Variants in MAST2 observed in about 807,000 individuals in gnomAD.
The protein encoded by MAST2 is microtubule associated serine/threonine kinase 2.
A neutral mutation model predicts 147.4 loss-of-function variants in MAST2; 70 were observed. The ratio of observed to expected loss-of-function variants is 0.47; its 90% CI spans 0.39 to 0.58. The LOEUF (loss-of-function observed/expected upper bound fraction) is 0.58. Ranked by LOEUF, MAST2 falls within the 20% of genes least tolerant of loss-of-function variation. The pLI, the probability that MAST2 is intolerant of heterozygous loss-of-function variation, is 0.00. For missense variants in MAST2, 2,080 were observed against 2,302.3 expected, an observed-to-expected ratio of 0.90 and a Z score of 1.98; for synonymous variants, 869 against 896.8, an observed-to-expected ratio of 0.97 and a Z score of 0.55.
intron 4 of MAST2, among the ~76,000 whole-genome samples, chr1:45,932,301 T>G (rs1655442895): frequency 6.6e-6 from 1 of 152,238 alleles, no homozygotes; most frequent in African/African-American, 2.4e-5. Context: ...TAATTCTTTC[T>G]ATACCCATCA....
chr1:46,010,641 A>G, intron 9 of MAST2, 89 bp from the exon 10 acceptor site: 2 of 1,114,762 alleles, frequency 1.8e-6, no homozygotes, highest in Non-Finnish European at 2.6e-6. Context: ...GAGGGAGCCC[A>G]TTATTTTGCT....
intron 4 of MAST2, among the ~76,000 whole-genome samples, chr1:45,942,129 T>C (rs1422763990): frequency 1.3e-5 from 2 of 148,800 alleles, no homozygotes; most frequent in Admixed American, 1.4e-4. Flanking sequence ...ACTGTCCAGC[T>C]TGATTGTAGT....
chr1:46,034,981 A>C lies in MAST2; in HGVS notation c.4312A>C (p.Lys1438Gln), dbSNP rs1475217040. The change falls in exon 29 of 29, where the codon AAG becomes CAG. Residue 1438 changes from lysine (K) to glutamine (Q), a missense_variant. Transcript: ENST00000361297. ...HSLDLPHSEL[K>Q]KELPPREVSP... is the part of the protein sequence containing the mutation. ...CCTTGACCTGCCCCACTCTGAACTA[A>C]AGAAGGAACTGCCGCCCAGGGAAGT... 1 of 1,613,916 alleles carries C rather than the reference A, an allele frequency of 6.2e-7. No individual in the cohort carries two copies. The highest frequency in any genetic ancestry group is 1.3e-5 in the African/African-American group (1 of 74,908).
intron 7 of MAST2, among the ~76,000 whole-genome samples, chr1:46,005,298 G>C (rs1346062225): frequency 6.6e-6 from 1 of 151,600 alleles, no homozygotes; most frequent in Non-Finnish European, 1.5e-5. Context: ...GGAGGCGGAG[G>C]TTGCAGTGAG....
intron 4 of MAST2, among the ~76,000 whole-genome samples, chr1:45,900,332 A>G (rs891254391): frequency 1.3e-5 from 2 of 151,854 alleles, no homozygotes; most frequent in African/African-American, 4.8e-5. Context: ...GTATATAAGC[A>G]TTCCCTTTTC....
intron 4 of MAST2, among the ~76,000 whole-genome samples, chr1:45,914,756 A>G (rs1174880750): frequency 2.6e-5 from 4 of 152,180 alleles, no homozygotes; most frequent in Admixed American, 2.0e-4. Flanking sequence ...TTTGAAGTAT[A>G]TAGTTGTAGT....
intron 5 of MAST2, among the ~76,000 whole-genome samples, chr1:45,974,898 G>T (rs1644071938): frequency 6.6e-6 from 1 of 152,190 alleles, no homozygotes; most frequent in African/African-American, 2.4e-5. Context: ...AGTGATACAG[G>T]AATAAAATCC....
chr1:45,992,641 A>G (rs889203949), intron 5 of MAST2, among the ~76,000 whole-genome samples: 2 of 152,148 alleles, frequency 1.3e-5, no homozygotes, highest in East Asian at 3.8e-4. Flanking sequence ...TGGTAGAATT[A>G]ATCAGTGAAA....
chr1:46,030,293 G>A, intron 21 of MAST2, 55 bp downstream of exon 21: 4 of 1,553,746 alleles, frequency 2.6e-6, no homozygotes, highest in Non-Finnish European at 2.6e-6. Flanking sequence ...CAGAAGAAGA[G>A]GGCCTGTCAA....
intron 4 of MAST2, among the ~76,000 whole-genome samples, chr1:45,919,357 A>T (rs1328593986): frequency 1.3e-5 from 2 of 152,186 alleles, no homozygotes; most frequent in African/African-American, 4.8e-5. Flanking sequence ...TCATTCAGGA[A>T]CAAGGACTAG....
At chr1:45,929,544 G>A (rs1026511563) in intron 4 of MAST2, among the ~76,000 whole-genome samples, 1 of 152,172 alleles carries the variant, frequency 6.6e-6, no homozygotes, top group African/African-American at 2.4e-5. Context: ...GACTCTGAGA[G>A]GTGAGAATGC....
At position 45,804,047 on chromosome 1, in the gene MAST2, C is replaced by T. The variant is rs1037010666; in HGVS notation, c.152C>T (p.Pro51Leu). The T allele has an allele frequency of 1.6e-6, 2 of 1,275,500 alleles. No homozygotes were observed. The highest frequency in any genetic ancestry group is 2.0e-6 in the Non-Finnish European group (2 of 1,002,406). 79.0% of individuals were successfully genotyped at this position (1,275,500 alleles called of 1,614,324 possible). Residue 51 changes from proline (P) to leucine (L), a missense_variant, in exon 1 of 29, where the codon CCC (proline) becomes CTC (leucine). By Grantham distance (98) the Pro-to-Leu change is moderately conservative (BLOSUM62 -3). This residue lies in a region of MAST2 where 569 missense variants were observed against 642.5 expected (regional missense o/e 0.89). Transcript: ENST00000361297. ...CAGCGGCTGGAGGAGCGGACGGGCC[C>T]CGCGGGGCCCGAGGGCAAGGAGCAG... ...GRQRLEERTG[P>L]AGPEGKEQDV...
chr1:46,031,428 T>C lies in MAST2; in HGVS notation c.3030T>C (p.Ala1010=), dbSNP rs1373007656. Residue 1010 remains alanine (A), a synonymous_variant, in exon 24 of 29, where the codon GCT becomes GCC. Coordinates refer to ENST00000361297, the MANE Select transcript of MAST2 (RefSeq NM_015112.3). The surrounding 1 kb of genome is among the most constrained non-coding windows in gnomAD (Gnocchi z 4.1). ...GAGGCCGTGGGACCTCACAGCTGGC[T>C]GAGGGAGCCACAGCCAAGGCCATCA... The part of the protein sequence containing the change: ...ETRGRGTSQL[A]EGATAKAISD... The C allele has an allele frequency of 6.2e-7, 1 of 1,613,824 alleles. No individual in the cohort carries two copies. The highest frequency in any genetic ancestry group is 8.5e-7 in the Non-Finnish European group (1 of 1,179,922).
chr1:45,922,665 T>C (rs562863891), intron 4 of MAST2, among the ~76,000 whole-genome samples: 1 of 152,258 alleles, frequency 6.6e-6, no homozygotes, highest in East Asian at 1.9e-4. Flanking sequence ...GCAGGGGCCT[T>C]CCTAGGCCCG....
At chr1:45,915,688 T>G (rs904688497) in intron 4 of MAST2, among the ~76,000 whole-genome samples, 1 of 143,244 alleles carries the variant, frequency 7.0e-6, no homozygotes, top group Non-Finnish European at 1.5e-5. Flanking sequence ...CCAGCCTGGG[T>G]GACAGAGTGA....
Position 45,910,222 on chromosome 1 carries a change from C to T in MAST2, c.500+27827C>T, listed in dbSNP as rs181446781. On this transcript the variant is annotated intron_variant, in intron 4 of 28. Coordinates refer to ENST00000361297, the MANE Select transcript of MAST2 (RefSeq NM_015112.3). ...TTTTCTGTCTATGTTGGGATCACAA[C>T]GTACTCATTTTCAGTGATCTGTAGG... is the stretch of plus-strand genomic sequence containing the variant. 3.3e-5 allele frequency among the ~76,000 whole-genome samples: 5 copies of T among 150,780 alleles called. No homozygotes were observed. In the South Asian group the frequency reaches 6.4e-4, roughly 19 times the overall value.
At chr1:45,815,858 C>A (rs548355098) in intron 1 of MAST2, among the ~76,000 whole-genome samples, 1 of 152,170 alleles carries the variant, frequency 6.6e-6, no homozygotes, top group Non-Finnish European at 1.5e-5. Context: ...CAGGGCCATG[C>A]CTAACTACTG....
At chr1:45,840,485 A>G (rs1645240699) in intron 3 of MAST2, among the ~76,000 whole-genome samples, 1 of 152,218 alleles carries the variant, frequency 6.6e-6, no homozygotes, top group Non-Finnish European at 1.5e-5. Context: ...CTTAGTAATC[A>G]TATGACCCTC....
At chr1:45,809,679 A>G (rs1644238366) in intron 1 of MAST2, among the ~76,000 whole-genome samples, 1 of 152,092 alleles carries the variant, frequency 6.6e-6, no homozygotes, top group South Asian at 2.1e-4. Context: ...ACAAAACCAC[A>G]CACCCAAAAA....
Sources: gnomAD v4.1 joint callset for allele counts (sites outside exome capture counted in the v4.1 genomes callset) on GRCh38, gnomAD v4.1.1 for gene constraint, gnomAD v4.1.1 regional missense constraint, Gnocchi (gnomAD v3.1) non-coding constraint, MANE v1.5 for transcripts, NCBI Gene and HGNC (gene_info 2026-07-23, HGNC 2026-07-21) for gene names.